The following SCNN1A variants were observed in gnomAD, a reference collection of about 807,000 sequenced individuals.
SCNN1A encodes epithelial sodium channel subunit alpha.
In SCNN1A, 65 loss-of-function variants were observed where a neutral mutation model predicts 68.6. That is an observed-to-expected ratio of 0.95 (90% CI 0.78 to 1.16). The LOEUF (loss-of-function observed/expected upper bound fraction) is 1.16, where lower values mean the gene tolerates loss of function less well. SCNN1A is among the 50% of genes most tolerant of loss of function. The probability of loss-of-function intolerance (pLI) is 0.00; values close to 1 mark genes in which losing one functional copy is unlikely to be tolerated. For missense variants in SCNN1A, 880 were observed against 865.9 expected (o/e 1.02, Z -0.20); for synonymous variants, 357 against 353.3 (o/e 1.01, Z -0.12).
chr12:6,367,746 A>G (rs1948704729), intron 2 of SCNN1A, among the ~76,000 whole-genome samples: 1 of 152,232 alleles, frequency 6.6e-6, no homozygotes, highest in Non-Finnish European at 1.5e-5. Context: ...ACTTAAAGAA[A>G]AAAATACCAG....
In SCNN1A at chr12:6,363,721, G is replaced by A; in HGVS notation, c.417-11C>T. On this transcript the variant is annotated splice_polypyrimidine_tract_variant and intron_variant, in intron 2 of 12. Coordinates refer to ENST00000228916, the MANE Select transcript of SCNN1A (RefSeq NM_001038.6). ...TTAATTTCCGGGTACCTGAAGGGGC[G>A]AGGGGAAGAGGGTCAGGCCAGGGGC... The A allele has an allele frequency of 6.3e-7, 1 of 1,591,542 alleles. No individual in the cohort carries two copies. The highest frequency in any genetic ancestry group is 1.1e-5 in the South Asian group (1 of 87,804).
chr12:6,366,815 G>C (rs1327654349), intron 2 of SCNN1A, among the ~76,000 whole-genome samples: 1 of 148,556 alleles, frequency 6.7e-6, no homozygotes, highest in Admixed American at 6.7e-5. Context: ...AAAAAAAAAA[G>C]AAAAAGATTT....
chr12:6,358,237 G>A (rs1018912792), intron 4 of SCNN1A, among the ~76,000 whole-genome samples: 7 of 152,176 alleles, frequency 4.6e-5, no homozygotes, highest in Non-Finnish European at 8.8e-5. Flanking sequence ...TCACTAGTAC[G>A]ATTACAGGGA....
intron 2 of SCNN1A, among the ~76,000 whole-genome samples, chr12:6,373,412 T>C (rs1224123306): frequency 6.6e-6 from 1 of 152,232 alleles, no homozygotes; most frequent in African/African-American, 2.4e-5. Context: ...TATCTTATTT[T>C]ATCTGTCTCC....
upstream of SCNN1A, chr12:6,377,283 A>T: frequency 6.5e-7 from 1 of 1,550,292 alleles, no homozygotes; most frequent in Non-Finnish European, 8.7e-7. Flanking sequence ...TCCCCTTGGA[A>T]GGGACAGCTG....
At chr12:6,350,312 G>A (rs1565476143) in intron 8 of SCNN1A, among the ~76,000 whole-genome samples, 1 of 151,188 alleles carries the variant, frequency 6.6e-6, no homozygotes, top group African/African-American at 2.4e-5. Flanking sequence ...GGCGCCTGTA[G>A]TCCCAGCTAC....
intron 4 of SCNN1A, 131 bp downstream of exon 4, chr12:6,361,920 C>T: frequency 1.0e-6 from 1 of 991,456 alleles, no homozygotes; most frequent in Non-Finnish European, 1.6e-6. Flanking sequence ...GCCAGTGCTT[C>T]CCCCTGGCCT....
At chr12:6,375,316 T>C in intron 1 of SCNN1A, 189 bp downstream of exon 1, 1 of 1,435,794 alleles carries the variant, frequency 7.0e-7, no homozygotes, top group Non-Finnish European at 9.1e-7. Context: ...TTGCCCCCTC[T>C]CACTCTAGGC....
At chr12:6,356,962 G>A (rs1948507835) in intron 4 of SCNN1A, among the ~76,000 whole-genome samples, 1 of 152,208 alleles carries the variant, frequency 6.6e-6, no homozygotes, top group Non-Finnish European at 1.5e-5. Flanking sequence ...GTAAAATGTA[G>A]GATGATTCTG....
intron 4 of SCNN1A, among the ~76,000 whole-genome samples, chr12:6,358,889 T>C (rs907632940): frequency 2.0e-5 from 3 of 148,804 alleles, no homozygotes; most frequent in African/African-American, 4.9e-5. Context: ...AGGTGGTGTA[T>C]CTACACAATA....
chr12:6,368,530 C>G (rs1001425567), intron 2 of SCNN1A, among the ~76,000 whole-genome samples: 1 of 152,236 alleles, frequency 6.6e-6, no homozygotes, highest in African/African-American at 2.4e-5. Context: ...TAGGCTAAAA[C>G]TTATTTAACA....
intron 2 of SCNN1A, chr12:6,363,974 G>C (rs906355689): frequency 2.8e-6 from 1 of 354,922 alleles, no homozygotes; most frequent in Non-Finnish European, 5.1e-6. Context: ...GGCGCCTGTC[G>C]TCTGTGGGGC....
In SCNN1A at chr12:6,348,939, G is replaced by A. The variant is rs1362340046; in HGVS notation, c.1553+11C>T. 1.2e-6 allele frequency: 2 copies of A among 1,613,664 alleles called. No individual in the cohort carries two copies. The highest frequency in any genetic ancestry group is 2.2e-5 in the East Asian group (1 of 44,874). On this transcript the variant is annotated intron_variant, in intron 11 of 12. Transcript: ENST00000228916. Reference sequence around the variant, plus strand: ...TTCCCTTCTTGTGGCTGGGACCAGGGCAGGACTGACCTCTTGTTGTTGACG... The same window carrying A: ...TTCCCTTCTTGTGGCTGGGACCAGGACAGGACTGACCTCTTGTTGTTGACG...
rs367595365 is a variant in SCNN1A at position 6,360,354 on chromosome 12, C to T, written c.875+1697G>A. 7.9e-5 allele frequency among the ~76,000 whole-genome samples: 12 copies of T among 151,456 alleles called. No homozygotes were observed. In the East Asian group the frequency reaches 9.7e-4, roughly 12 times the overall value. ...GGCACACAGAGCAAAGGGAGGGCAT[C>T]GGGTGAGGGCATAGGGAAAGCACAG... On this transcript the variant is annotated intron_variant, in intron 4 of 12. Coordinates refer to ENST00000228916, the MANE Select transcript of SCNN1A (RefSeq NM_001038.6).
Position 6,348,716 on chromosome 12 carries a change from G to GCA in SCNN1A, c.1629+9_1629+10dup. On this transcript the variant is annotated intron_variant, in intron 12 of 12. Transcript: ENST00000228916. ...CCAGAGCATCACAGGCTCCATCCAGGCACGACCTACCGTGACAGAGGGAGA... is the reference window on the plus strand; with the variant it reads ...CCAGAGCATCACAGGCTCCATCCAGGCACACGACCTACCGTGACAGAGGGAGA... 6.2e-7 allele frequency: 1 copy of GCA among 1,609,618 alleles called. No individual in the cohort carries two copies. Among genetic ancestry groups the GCA allele is most frequent in the Admixed American group, 1.7e-5 (1 of 59,884 alleles).
At chr12:6,362,282 G>A (rs1337717321) in intron 3 of SCNN1A, 41 bp from the exon 4 acceptor site, 1 of 1,582,132 alleles carries the variant, frequency 6.3e-7, no homozygotes, top group Non-Finnish European at 8.7e-7. Context: ...ACGCAGCCGG[G>A]GATAAGCCCC....
rs1020998402 is a variant in SCNN1A, at chr12:6,369,057, C to T, written c.416+5311G>A. Among the ~76,000 whole-genome samples, 6 of 152,276 alleles carry T rather than the reference C, an allele frequency of 3.9e-5. No individual in the cohort carries two copies. In the East Asian group the frequency reaches 5.8e-4, roughly 15 times the overall value. Reference sequence around the variant, plus strand: ...GGTCACACAGGAAGAATCCAGATCCCCCACTTGCCTGGAGTTATTTCCACC... The same window carrying T: ...GGTCACACAGGAAGAATCCAGATCCTCCACTTGCCTGGAGTTATTTCCACC... On this transcript the variant is annotated intron_variant, in intron 2 of 12. Coordinates refer to ENST00000228916, the MANE Select transcript of SCNN1A (RefSeq NM_001038.6).
intron 2 of SCNN1A, among the ~76,000 whole-genome samples, chr12:6,364,574 T>C (rs1461720543): frequency 6.6e-6 from 1 of 151,274 alleles, no homozygotes; most frequent in Non-Finnish European, 1.5e-5. Flanking sequence ...GCTAACACGG[T>C]GAAACCCCGT....
chr12:6,351,394 G>A lies in SCNN1A; in HGVS notation c.1361-1989C>T, dbSNP rs1478057759. On this transcript the variant is annotated intron_variant, in intron 8 of 12. Transcript: ENST00000228916. This position sits in a 1 kb window ranked among gnomAD's most constrained non-coding sequence, Gnocchi z 4.2. ...ATCCCAGCACTTGGGGGCTGAGGTG[G>A]GCGGATCACCTGAGGTCAGGAGTTT... 1.3e-5 allele frequency among the ~76,000 whole-genome samples: 2 copies of A among 152,190 alleles called. No individual in the cohort carries two copies. The highest frequency in any genetic ancestry group is 6.5e-5 in the Admixed American group (1 of 15,286).
Sources: gnomAD v4.1 joint callset for allele counts (sites outside exome capture counted in the v4.1 genomes callset) on GRCh38, gnomAD v4.1.1 for gene constraint, Gnocchi (gnomAD v3.1) non-coding constraint, MANE v1.5 for transcripts, NCBI Gene and HGNC (gene_info 2026-07-23, HGNC 2026-07-21) for gene names.